The following MYH7B variants were observed in gnomAD, a reference collection of about 807,000 sequenced individuals.
The protein encoded by MYH7B is myosin heavy chain 7B.
MYH7B carries 205 observed loss-of-function variants against 234.5 expected under a neutral mutation model. The ratio of observed to expected loss-of-function variants is 0.87; its 90% CI spans 0.78 to 0.98. The LOEUF is 0.98. MYH7B is among the 50% of genes least tolerant of loss of function. The pLI is 0.00. For synonymous variants in MYH7B, 1,193 were observed against 1,105.0 expected, an observed-to-expected ratio of 1.08 and a Z score of -1.58; for missense variants, 2,652 against 2,633.4, an observed-to-expected ratio of 1.01 and a Z score of -0.15.
Position 34,963,096 on chromosome 20 carries a change from T to C in MYH7B, c.-222+4884T>C, listed in dbSNP as rs569839456. ...CTGGGTGACAGAGCGAGACTCCGTC[T>C]CAAAAAAAGAAGTCATAAATGCTAT... On this transcript the variant is annotated intron_variant, in intron 2 of 44. Coordinates refer to ENST00000262873, the Ensembl canonical transcript of MYH7B. 7.9e-5 allele frequency among the ~76,000 whole-genome samples: 12 copies of C among 152,336 alleles called. No homozygotes were observed. The South Asian group carries it at 2.3e-3, about 29-fold the overall frequency.
chr20:34,957,815 G>A (rs1009995958), intron 1 of MYH7B, among the ~76,000 whole-genome samples: 5 of 152,138 alleles, frequency 3.3e-5, no homozygotes, highest in African/African-American at 1.2e-4. Context: ...AATAAACCAT[G>A]TACATTATCT....
chr20:34,958,451 A>C (rs759668905), intron 2 of MYH7B, among the ~76,000 whole-genome samples: 1 of 152,072 alleles, frequency 6.6e-6, no homozygotes, highest in East Asian at 1.9e-4. Flanking sequence ...GCCCCACCCT[A>C]TAAGTCTATC....
chr20:34,993,386 G>C, exon 26 of MYH7B: 1 of 1,613,668 alleles, frequency 6.2e-7, no homozygotes, highest in African/African-American at 1.3e-5. Flanking sequence ...CGTGACCAGC[G>C]CCTGGCCAAG....
exon 32 of MYH7B, chr20:34,997,605 C>A (rs2082287631): frequency 6.2e-7 from 1 of 1,613,622 alleles, no homozygotes; most frequent in Non-Finnish European, 8.5e-7. Flanking sequence ...GGTGGACGAC[C>A]TGGCTGCCAA....
chr20:34,959,993 G>A (rs1270153519), intron 2 of MYH7B, among the ~76,000 whole-genome samples: 1 of 152,204 alleles, frequency 6.6e-6, no homozygotes, highest in Non-Finnish European at 1.5e-5. Flanking sequence ...CACAGCAGCA[G>A]TGTCAGCCAT....
At chr20:34,970,433 C>T (rs2081782143) in intron 2 of MYH7B, among the ~76,000 whole-genome samples, 1 of 152,204 alleles carries the variant, frequency 6.6e-6, no homozygotes, top group Non-Finnish European at 1.5e-5. Flanking sequence ...AGCTGGAAGG[C>T]CTTAGAGCCC....
exon 4 of MYH7B, chr20:34,977,653 A>G: frequency 1.3e-6 from 2 of 1,558,594 alleles, no homozygotes; most frequent in Non-Finnish European, 1.7e-6. Flanking sequence ...GGGGTAGCAG[A>G]GCTTCCTGCC....
chr20:34,997,691 G>T (rs369704638), intron 32 of MYH7B, 51 bp downstream of exon 32: 8 of 1,597,240 alleles, frequency 5.0e-6, no homozygotes, highest in Non-Finnish European at 6.0e-6. Context: ...AACCAATCCC[G>T]ATCCCAGCAG....
exon 19 of MYH7B, chr20:34,988,245 A>G (rs2147199565): frequency 6.2e-7 from 1 of 1,613,000 alleles, no homozygotes; most frequent in East Asian, 2.2e-5. Context: ...GCAGCCTTGC[A>G]TCGACCTCAT....
chr20:34,981,197 C>A (rs2081936701), intron 9 of MYH7B, 137 bp downstream of exon 9: 3 of 1,118,898 alleles, frequency 2.7e-6, no homozygotes, highest in East Asian at 2.4e-5. Context: ...AGTGTCCCAG[C>A]TGAAGCTAAA....
At chr20:34,966,253 C>T (rs370420712) in intron 2 of MYH7B, among the ~76,000 whole-genome samples, 3 of 152,314 alleles carry the variant, frequency 2.0e-5, no homozygotes, top group South Asian at 2.1e-4. Context: ...CACAGGTGAA[C>T]GGTTCATCAA....
intron 2 of MYH7B, among the ~76,000 whole-genome samples, chr20:34,974,894 G>C (rs61209978): frequency 2.0e-5 from 3 of 152,206 alleles, no homozygotes; most frequent in African/African-American, 7.2e-5. Context: ...CCCTTGTGCA[G>C]GTCTTTTCTA....
chr20:34,956,312 A>G (rs1405613258), intron 1 of MYH7B, among the ~76,000 whole-genome samples: 1 of 152,088 alleles, frequency 6.6e-6, no homozygotes, highest in Non-Finnish European at 1.5e-5. Flanking sequence ...AAGGATTTTC[A>G]TTTTTCCAGG....
chr20:34,956,980 G>A (rs1478966628), intron 1 of MYH7B, among the ~76,000 whole-genome samples: 5 of 152,198 alleles, frequency 3.3e-5, no homozygotes, highest in South Asian at 4.1e-4. Context: ...CTTGAGCCCC[G>A]GAGACGGAGG....
exon 39 of MYH7B, chr20:35,000,338 T>G (rs767588998): frequency 6.3e-7 from 1 of 1,596,524 alleles, no homozygotes; most frequent in South Asian, 1.1e-5. Context: ...CCTCCCTGGA[T>G]GCAGAGACAC....
At chr20:34,987,259 G>A in exon 16 of MYH7B, 2 of 1,611,524 alleles carry the variant, frequency 1.2e-6, no homozygotes, top group Non-Finnish European at 1.7e-6. Flanking sequence ...AGCAGCGGGA[G>A]GAGCAGGCGG....
intron 8 of MYH7B, 21 bp from the exon 9 acceptor site, chr20:34,981,012 A>G (rs961974716): frequency 1.2e-6 from 2 of 1,613,768 alleles, no homozygotes; most frequent in African/African-American, 1.3e-5. Context: ...TGACTTCTCT[A>G]TCCCCTTCCC....
chr20:34,997,328 G>A, exon 32 of MYH7B: 1 of 1,547,532 alleles, frequency 6.5e-7, no homozygotes, highest in East Asian at 2.4e-5. Context: ...AGCGTGCAGA[G>A]GCGGCGCGGG....
chr20:34,987,027 TG>T, intron 15 of MYH7B, 38 bp downstream of exon 15: 2 of 1,609,666 alleles, frequency 1.2e-6, no homozygotes, highest in Middle Eastern at 3.3e-4. Flanking sequence ...TGTGGACGCC[TG>T]TGGTGGAATC....
Sources: allele counts gnomAD v4.1 joint callset (sites outside exome capture counted in the v4.1 genomes callset), GRCh38; gene constraint gnomAD v4.1.1; transcripts MANE v1.5; gene names NCBI Gene and HGNC (gene_info 2026-07-23, HGNC 2026-07-21).